Variants in TRIM37 observed in about 807,000 individuals in gnomAD.
The protein encoded by TRIM37 is E3 ubiquitin-protein ligase TRIM37.
A neutral mutation model predicts 129.8 loss-of-function variants in TRIM37; 80 were observed. The ratio of observed to expected loss-of-function variants is 0.62; its 90% CI spans 0.51 to 0.74. The LOEUF is 0.74. Ranked by LOEUF, TRIM37 falls within the 30% of genes least tolerant of loss-of-function variation. The pLI, the probability that TRIM37 is intolerant of heterozygous loss-of-function variation, is 0.00. For synonymous variants in TRIM37, 389 were observed against 387.1 expected (o/e 1.00, Z -0.06); for missense variants, 1,054 against 1,176.5 (o/e 0.90, Z 1.52).
At chr17:58,975,156 G>A in the TRIM37 span, among the ~76,000 whole-genome samples, 1 of 152,154 alleles carries the variant, frequency 6.6e-6, no homozygotes, top group Non-Finnish European at 1.5e-5. Flanking sequence ...TTACGTTAAT[G>A]ATCATTATAT....
intron 24 of TRIM37, among the ~76,000 whole-genome samples, chr17:58,992,815 G>A (rs189206598): frequency 2.0e-5 from 3 of 152,136 alleles, no homozygotes; most frequent in South Asian, 4.1e-4. Flanking sequence ...AGCCAGCCCC[G>A]ATCCTGAGTC....
intron 19 of TRIM37, among the ~76,000 whole-genome samples, chr17:59,023,577 C>A (rs1052151395): frequency 1.1e-4 from 17 of 152,066 alleles, no homozygotes; most frequent in Admixed American, 1.1e-3. Flanking sequence ...ATAGCATGAA[C>A]CCAGGAGGCG....
chr17:59,051,823 C>T (rs868226721), intron 13 of TRIM37, among the ~76,000 whole-genome samples: 100 of 151,954 alleles, frequency 6.6e-4, no homozygotes, highest in African/African-American at 2.3e-3. Context: ...CTCCACCTCC[C>T]GGGTTCACGC....
the TRIM37 span, chr17:58,969,598 T>C: frequency 6.2e-7 from 1 of 1,614,002 alleles, no homozygotes. Flanking sequence ...TAGATGCTGC[T>C]ATTTATGCCT....
chr17:58,990,787 T>A (rs1361401026), intron 24 of TRIM37, among the ~76,000 whole-genome samples: 1 of 120,586 alleles, frequency 8.3e-6, no homozygotes. Context: ...TGAAACTCTG[T>A]CTCAAAAAAA....
At chr17:59,104,533 T>C (rs2045816286) in intron 1 of TRIM37, 139 bp from the exon 2 acceptor site, 1 of 838,608 alleles carries the variant, frequency 1.2e-6, no homozygotes, top group Non-Finnish European at 2.1e-6. Context: ...AGGATTTGGT[T>C]GGTCAAGATA....
intron 24 of TRIM37, chr17:58,983,194 T>C (rs1598725587): frequency 2.8e-6 from 1 of 351,728 alleles, no homozygotes; most frequent in East Asian, 4.5e-5. Flanking sequence ...TGTTAACTCA[T>C]TTCTCATGCC....
At chr17:59,027,326 T>G (rs1471477709) in intron 19 of TRIM37, among the ~76,000 whole-genome samples, 1 of 152,214 alleles carries the variant, frequency 6.6e-6, no homozygotes, top group African/African-American at 2.4e-5. Context: ...GGCCAAAACT[T>G]AATCATAATT....
rs754096852 is a variant in TRIM37 at position 59,014,911 on chromosome 17, CA to C, written c.2576+698del. Among the ~76,000 whole-genome samples, 845 of 133,584 alleles carry C rather than the reference CA, an allele frequency of 6.3e-3. 5 individuals carry two copies. The highest frequency in any genetic ancestry group is 0.011 in the African/African-American group (412 of 36,576). The allele number at this position is 133,584 out of a possible 152,430, so 87.6% of individuals were successfully genotyped here. A position where few individuals can be genotyped will look rare whatever the true frequency, so the allele number is the denominator to read the frequency against. On this transcript the variant is annotated intron_variant, in intron 21 of 23. Transcript: ENST00000262294. ...GAAACCCCATCTCTACTAAAAATAC[CA>C]AAAAAAAAAAAAAATCAGCTGGGCG...
At chr17:59,065,195 C>T (rs190236612) in intron 9 of TRIM37, among the ~76,000 whole-genome samples, 39 of 152,124 alleles carry the variant, frequency 2.6e-4, no homozygotes, top group African/African-American at 5.1e-4. Flanking sequence ...AAGAAACTGA[C>T]GCTTAGGGTG....
At chr17:59,095,913 T>A (rs971957353) in intron 2 of TRIM37, among the ~76,000 whole-genome samples, 1 of 152,134 alleles carries the variant, frequency 6.6e-6, no homozygotes, top group African/African-American at 2.4e-5. Flanking sequence ...AGAGATGGGA[T>A]CTTGCCATGT....
chr17:59,012,854 C>A (rs563004980), intron 21 of TRIM37, among the ~76,000 whole-genome samples: 37 of 148,248 alleles, frequency 2.5e-4, no homozygotes, highest in African/African-American at 8.5e-4. Context: ...CCAGCCTGGG[C>A]AACAGAGTGA....
At chr17:59,047,901 C>A (rs2146092426) in intron 15 of TRIM37, 82 bp from the exon 16 acceptor site, 1 of 1,528,976 alleles carries the variant, frequency 6.5e-7, no homozygotes, top group Non-Finnish European at 9.0e-7. Flanking sequence ...ATAAACCAAG[C>A]ACCAAAGAAT....
intron 10 of TRIM37, among the ~76,000 whole-genome samples, chr17:59,062,888 A>C (rs995829045): frequency 1.4e-4 from 22 of 152,262 alleles, no homozygotes; most frequent in South Asian, 4.1e-4. Flanking sequence ...GGGAAAAAAA[A>C]CCCTCAAAAT....
intron 8 of TRIM37, among the ~76,000 whole-genome samples, chr17:59,074,995 C>T (rs141688207): frequency 1.3e-5 from 2 of 152,186 alleles, no homozygotes; most frequent in East Asian, 1.9e-4. Flanking sequence ...GAGTAATAAT[C>T]GCTACATGTA....
At chr17:59,001,903 T>C (rs1349533607) in intron 22 of TRIM37, among the ~76,000 whole-genome samples, 189 bp from the exon 23 acceptor site, 6 of 152,226 alleles carry the variant, frequency 3.9e-5, no homozygotes, top group Non-Finnish European at 7.3e-5. Context: ...CTTTAGCTAT[T>C]TAGAGTGGTT....
chr17:59,064,249 A>G (rs2041744406), intron 10 of TRIM37, 106 bp downstream of exon 10: 1 of 853,498 alleles, frequency 1.2e-6, no homozygotes, highest in Non-Finnish European at 1.9e-6. Flanking sequence ...TAAGACTTCT[A>G]AAGTGAGTGA....
intron 2 of TRIM37, among the ~76,000 whole-genome samples, chr17:59,101,675 A>T (rs1268057336): frequency 7.4e-4 from 85 of 115,478 alleles, no homozygotes; most frequent in South Asian, 9.8e-4. Context: ...AAAAAAAAAA[A>T]AAATATATAT....
At chr17:59,091,471 C>CATAATAT (rs1163323374) in intron 2 of TRIM37, 131 bp from the exon 3 acceptor site, 13 of 162,534 alleles carry the variant, frequency 8.0e-5, no homozygotes, top group Non-Finnish European at 1.1e-4. Flanking sequence ...ATATAATATT[C>CATAATAT]ATAATATATA....
Sources: gnomAD v4.1 joint callset for allele counts (sites outside exome capture counted in the v4.1 genomes callset) on GRCh38, gnomAD v4.1.1 for gene constraint, MANE v1.5 for transcripts, NCBI Gene and HGNC (gene_info 2026-07-23, HGNC 2026-07-21) for gene names.